The following ASIC2 variants were observed in gnomAD, a reference collection of about 807,000 sequenced individuals.
ASIC2 encodes the protein acid sensing ion channel subunit 2, also known as acid-sensing ion channel 2.
In ASIC2, 25 loss-of-function variants were observed where a neutral mutation model predicts 57.3. The ratio of observed to expected loss-of-function variants is 0.44; its 90% CI spans 0.32 to 0.61. The LOEUF (loss-of-function observed/expected upper bound fraction) is 0.61. Ranked by LOEUF, ASIC2 falls within the 20% of genes least tolerant of loss-of-function variation. The pLI, the probability that ASIC2 is intolerant of heterozygous loss-of-function variation, is 0.06. For synonymous variants in ASIC2, 319 were observed against 307.5 expected (o/e 1.04, Z -0.39); for missense variants, 641 against 738.1 (o/e 0.87, Z 1.52).
intron 1 of ASIC2, among the ~76,000 whole-genome samples, chr17:34,074,584 C>T (rs374278387): frequency 4.1e-4 from 62 of 152,150 alleles, no homozygotes; most frequent in Non-Finnish European, 6.5e-4. Context: ...CAAAGTATAG[C>T]GTTTATTGTT....
chr17:33,409,180 A>C (rs1463482988), intron 1 of ASIC2, among the ~76,000 whole-genome samples: 1 of 152,162 alleles, frequency 6.6e-6, no homozygotes, highest in Admixed American at 6.5e-5. Flanking sequence ...ATGCCACTGC[A>C]CTCCAGCCTG....
intron 1 of ASIC2, among the ~76,000 whole-genome samples, chr17:33,639,944 A>G (rs1241217600): frequency 2.0e-5 from 3 of 152,142 alleles, no homozygotes; most frequent in East Asian, 3.9e-4. Flanking sequence ...GTCTGTAAAT[A>G]GTAACAAGGG....
At chr17:33,397,419 C>T (rs1910117729) in intron 1 of ASIC2, among the ~76,000 whole-genome samples, 3 of 152,094 alleles carry the variant, frequency 2.0e-5, no homozygotes, top group African/African-American at 7.2e-5. Flanking sequence ...CTCTGTAGTC[C>T]CTGTAACTAG....
chr17:33,160,213 AAAAAAGAAAAG>A (rs1905124711), intron 1 of ASIC2, among the ~76,000 whole-genome samples: 1 of 83,436 alleles, frequency 1.2e-5, no homozygotes, highest in African/African-American at 4.6e-5. Flanking sequence ...TGTTAAAAAA[AAAAAAGAAAAG>A]AAAAGAAAAG....
At chr17:33,223,189 C>CT (rs760246920) in intron 1 of ASIC2, among the ~76,000 whole-genome samples, 17 of 150,758 alleles carry the variant, frequency 1.1e-4, no homozygotes, top group Non-Finnish European at 2.1e-4. Context: ...TTTTCTTTTT[C>CT]TTTTTTCTTT....
intron 1 of ASIC2, among the ~76,000 whole-genome samples, chr17:33,356,374 G>A (rs1165929547): frequency 6.6e-6 from 1 of 152,186 alleles, no homozygotes; most frequent in Non-Finnish European, 1.5e-5. Context: ...CCAGGCTTCA[G>A]ATCTATGTCC....
At chr17:33,666,744 C>T (rs773130639) in intron 1 of ASIC2, among the ~76,000 whole-genome samples, 5 of 152,186 alleles carry the variant, frequency 3.3e-5, no homozygotes, top group Non-Finnish European at 5.9e-5. Flanking sequence ...ACCATCCTAT[C>T]TCTGCACTGG....
intron 1 of ASIC2, among the ~76,000 whole-genome samples, chr17:33,162,792 C>T (rs1905198323): frequency 6.6e-6 from 1 of 152,166 alleles, no homozygotes; most frequent in South Asian, 2.1e-4. Context: ...GGGGCCGTGG[C>T]TCCTGTTTCT....
At chr17:33,933,134 A>G (rs986919189) in intron 1 of ASIC2, among the ~76,000 whole-genome samples, 6 of 152,112 alleles carry the variant, frequency 3.9e-5, no homozygotes, top group African/African-American at 1.4e-4. Context: ...ATAGCCAGCC[A>G]TGCCCATCAC....
Position 33,292,883 on chromosome 17 carries a change from G to A in ASIC2, c.-768C>T. The A allele has an allele frequency of 1.0e-6, 1 of 985,564 alleles. No individual in the cohort carries two copies. Among genetic ancestry groups the A allele is most frequent in the Non-Finnish European group, 1.2e-6 (1 of 830,008 alleles). 61.1% of individuals were successfully genotyped at this position (985,564 alleles called of 1,614,324 possible). Reference sequence around the variant, plus strand: ...TGCCAGGCGCCCGCTCTCGCCTGGGGCTGAGAGCTTCTCAGGGCGTCCTGC... The same window carrying A: ...TGCCAGGCGCCCGCTCTCGCCTGGGACTGAGAGCTTCTCAGGGCGTCCTGC... On this transcript the variant is annotated 5_prime_UTR_variant, in exon 1 of 10. Transcript: ENST00000225823.
chr17:33,903,995 C>G (rs936034090), intron 1 of ASIC2, among the ~76,000 whole-genome samples: 6 of 151,704 alleles, frequency 4.0e-5, no homozygotes, highest in Non-Finnish European at 8.8e-5. Flanking sequence ...GAAACCCCGT[C>G]TCTACTAAAA....
At chr17:33,884,697 C>T (rs1914785617) in intron 1 of ASIC2, among the ~76,000 whole-genome samples, 1 of 152,078 alleles carries the variant, frequency 6.6e-6, no homozygotes, top group African/African-American at 2.4e-5. Flanking sequence ...TTGGCCACAA[C>T]ATTCAGATAC....
At chr17:33,479,340 T>G (rs1913327825) in intron 1 of ASIC2, among the ~76,000 whole-genome samples, 1 of 152,112 alleles carries the variant, frequency 6.6e-6, no homozygotes, top group Non-Finnish European at 1.5e-5. Context: ...GTTTCTATAT[T>G]TGTTGAGGGA....
At chr17:33,458,684 C>T (rs989920414) in intron 1 of ASIC2, among the ~76,000 whole-genome samples, 2 of 152,154 alleles carry the variant, frequency 1.3e-5, no homozygotes, top group African/African-American at 2.4e-5. Context: ...GATTATTGGT[C>T]ATGGTTCAAG....
chr17:33,718,238 G>A (rs1182553012), intron 1 of ASIC2, among the ~76,000 whole-genome samples: 1 of 152,152 alleles, frequency 6.6e-6, no homozygotes, highest in Non-Finnish European at 1.5e-5. Flanking sequence ...TGTAATTTAA[G>A]CATTTTTTAT....
intron 1 of ASIC2, among the ~76,000 whole-genome samples, chr17:34,143,242 C>T (rs937767750): frequency 9.9e-5 from 15 of 152,158 alleles, no homozygotes; most frequent in Admixed American, 3.9e-4. Context: ...TACTGAGTGA[C>T]GTTGTGCCAG....
intron 2 of ASIC2, among the ~76,000 whole-genome samples, chr17:33,095,645 C>T (rs2092175911): frequency 6.6e-6 from 1 of 152,208 alleles, no homozygotes; most frequent in Admixed American, 6.5e-5. Flanking sequence ...TGAGCCAGCT[C>T]AGAACCCCTG....
intron 1 of ASIC2, among the ~76,000 whole-genome samples, chr17:33,123,849 C>A (rs115013054): frequency 6.4e-4 from 98 of 152,250 alleles, no homozygotes; most frequent in African/African-American, 2.2e-3. Flanking sequence ...TCCCTTCTTT[C>A]GTGCAGGTGT....
intron 1 of ASIC2, among the ~76,000 whole-genome samples, chr17:34,152,723 G>A (rs11870000): frequency 0.017 from 2,661 of 152,286 alleles, 84 homozygotes; most frequent in African/African-American, 0.061. Flanking sequence ...TAGAGAGGAC[G>A]CAAGATACAA....
Sources: allele counts gnomAD v4.1 joint callset (sites outside exome capture counted in the v4.1 genomes callset), GRCh38; gene constraint gnomAD v4.1.1; transcripts MANE v1.5; gene names NCBI Gene and HGNC (gene_info 2026-07-23, HGNC 2026-07-21).